GALNT17: variants seen among roughly 807,000 people sequenced by gnomAD.
GALNT17 encodes UDP-GalNAc:polypeptide N-acetylgalactosaminyltransferase-like 3.
Under a neutral mutation model 63.7 loss-of-function variants are expected in GALNT17, and 29 were observed. The ratio of observed to expected loss-of-function variants is 0.46; its 90% CI spans 0.34 to 0.62. GALNT17 has a LOEUF of 0.62. Among genes scored for constraint, GALNT17 ranks in the 20% least tolerant of loss-of-function variants. GALNT17 has a pLI of 0.01. For missense variants in GALNT17, 603 were observed against 799.6 expected, an observed-to-expected ratio of 0.75 and a Z score of 2.97; for synonymous variants, 305 against 318.3, an observed-to-expected ratio of 0.96 and a Z score of 0.45.
intron 5 of GALNT17, among the ~76,000 whole-genome samples, chr7:71,490,594 A>G (rs1787990479): frequency 6.6e-6 from 1 of 151,844 alleles, no homozygotes; most frequent in African/African-American, 2.4e-5. Context: ...GCCAGATGCC[A>G]TCTCTACAAA....
intron 5 of GALNT17, among the ~76,000 whole-genome samples, chr7:71,552,559 GC>G (rs1789098742): frequency 6.6e-6 from 1 of 151,176 alleles, no homozygotes; most frequent in South Asian, 2.1e-4. Context: ...TCCTGTCTCA[GC>G]CCCCCTCGTA....
chr7:71,342,693 G>A (rs1040833303), intron 2 of GALNT17, among the ~76,000 whole-genome samples: 13 of 152,152 alleles, frequency 8.5e-5, no homozygotes, highest in Non-Finnish European at 1.8e-4. Flanking sequence ...GAGGCAAAAT[G>A]TGTATGTGAG....
intron 6 of GALNT17, among the ~76,000 whole-genome samples, chr7:71,632,664 A>G (rs532189232): frequency 5.3e-4 from 80 of 152,312 alleles, no homozygotes; most frequent in Middle Eastern, 3.4e-3. Flanking sequence ...GCAAGTGAGA[A>G]GGGCTGGTGG....
rs772208560 is a variant in GALNT17, at chr7:71,302,740, T to C, written c.239-32810T>C. On this transcript the variant is annotated intron_variant, in intron 1 of 10. Transcript: ENST00000333538. ...CGTGCTCTTTAAAAAATGGACTAAATTGAGAGTCTGTTGAACTTCCCCCTT... is the reference window on the plus strand; with the variant it reads ...CGTGCTCTTTAAAAAATGGACTAAACTGAGAGTCTGTTGAACTTCCCCCTT... 2.8e-4 allele frequency among the ~76,000 whole-genome samples: 43 copies of C among 152,276 alleles called. 1 individual carries two copies. Among genetic ancestry groups the C allele is most frequent in the Non-Finnish European group, 4.6e-4 (31 of 68,016 alleles).
chr7:71,284,030 C>G (rs118120767), intron 1 of GALNT17: 1 of 152,278 alleles, frequency 6.6e-6, no homozygotes, highest in Non-Finnish European at 1.5e-5. Context: ...GGAATAAAAG[C>G]TGGCGGCAGG....
intron 9 of GALNT17, among the ~76,000 whole-genome samples, chr7:71,679,832 C>G (rs1186756633): frequency 6.6e-6 from 1 of 151,942 alleles, no homozygotes; most frequent in African/African-American, 2.4e-5. Context: ...GGTCAGATCT[C>G]CGGTGGGGTC....
intron 5 of GALNT17, among the ~76,000 whole-genome samples, chr7:71,451,118 C>T: frequency 6.6e-6 from 1 of 152,024 alleles, no homozygotes; most frequent in East Asian, 1.9e-4. Flanking sequence ...GTGTGATGTT[C>T]CCCTTCCTGT....
Position 71,259,688 on chromosome 7 carries a change from C to G in GALNT17, c.239-75862C>G, listed in dbSNP as rs187181246. 2.4e-3 allele frequency among the ~76,000 whole-genome samples: 350 copies of G among 144,870 alleles called. 4 individuals carry two copies. Among genetic ancestry groups the G allele is most frequent in the Admixed American group, 7.9e-3 (115 of 14,528 alleles). ...ACGGAGTCTTGCTCTGTCACTCAGG[C>G]TGGAGTGCAGTGGCGCAATCTCGGC... On this transcript the variant is annotated intron_variant, in intron 1 of 10. Coordinates refer to ENST00000333538, the MANE Select transcript of GALNT17 (RefSeq NM_022479.3).
intron 1 of GALNT17, among the ~76,000 whole-genome samples, chr7:71,193,903 C>T (rs184841674): frequency 3.9e-5 from 6 of 152,194 alleles, no homozygotes; most frequent in East Asian, 3.9e-4. Flanking sequence ...TACTCTCTTT[C>T]GGGGCGTATT....
chr7:71,641,088 C>T (rs1260080986), intron 6 of GALNT17, among the ~76,000 whole-genome samples: 1 of 152,176 alleles, frequency 6.6e-6, no homozygotes, highest in Admixed American at 6.5e-5. Flanking sequence ...AGCTGGGATG[C>T]AAGCAGCCCA....
chr7:71,593,812 C>T (rs1161318359), intron 6 of GALNT17, among the ~76,000 whole-genome samples: 1 of 152,178 alleles, frequency 6.6e-6, no homozygotes, highest in East Asian at 1.9e-4. Context: ...AGAAATACAG[C>T]TTTGTGCTTT....
intron 6 of GALNT17, among the ~76,000 whole-genome samples, chr7:71,633,899 C>T (rs1584103282): frequency 6.6e-6 from 1 of 152,180 alleles, no homozygotes; most frequent in East Asian, 1.9e-4. Flanking sequence ...AGGGAGCCAG[C>T]CCCGGGCAAG....
chr7:71,601,110 C>T lies in GALNT17; in HGVS notation c.1080+29708C>T, dbSNP rs1363307557. 8.6e-5 allele frequency among the ~76,000 whole-genome samples: 13 copies of T among 151,880 alleles called. No individual in the cohort carries two copies. In the East Asian group the frequency reaches 9.7e-4, roughly 11 times the overall value. ...GTTAATTTATTCCTTTTTATGGCTG[C>T]GTAGTATTCCATCATATATATATCA... is the stretch of plus-strand genomic sequence containing the variant. On this transcript the variant is annotated intron_variant, in intron 6 of 10. Transcript: ENST00000333538.
chr7:71,309,386 C>T (rs1049749695), intron 1 of GALNT17, among the ~76,000 whole-genome samples: 6 of 152,022 alleles, frequency 3.9e-5, no homozygotes, highest in Admixed American at 6.6e-5. Flanking sequence ...TTGAGGCACA[C>T]GCTTTCCCTT....
chr7:71,592,754 T>G (rs1789828855), intron 6 of GALNT17, among the ~76,000 whole-genome samples: 1 of 152,102 alleles, frequency 6.6e-6, no homozygotes, highest in South Asian at 2.1e-4. Context: ...TTGGAAACAT[T>G]TGTCCTTGAA....
At chr7:71,555,888 G>T (rs919947665) in intron 5 of GALNT17, among the ~76,000 whole-genome samples, 2 of 152,210 alleles carry the variant, frequency 1.3e-5, no homozygotes, top group Non-Finnish European at 2.9e-5. Context: ...CGGCTCGTGC[G>T]CTTGAAATCC....
chr7:71,561,612 C>T (rs1020363954), intron 5 of GALNT17, among the ~76,000 whole-genome samples: 2 of 152,100 alleles, frequency 1.3e-5, no homozygotes, highest in Admixed American at 6.6e-5. Flanking sequence ...TAGAGTCAGC[C>T]CCTGATCCCT....
intron 5 of GALNT17, among the ~76,000 whole-genome samples, chr7:71,559,897 C>CA (rs749844466): frequency 0.013 from 1,279 of 97,598 alleles, 7 homozygotes; most frequent in Non-Finnish European, 0.018. Flanking sequence ...ACATTAAAAA[C>CA]AAAAAAAAAA....
chr7:71,422,300 C>G (rs894694265), intron 5 of GALNT17, among the ~76,000 whole-genome samples: 3 of 152,160 alleles, frequency 2.0e-5, no homozygotes, highest in Non-Finnish European at 4.4e-5. Flanking sequence ...ACCTTTTCCT[C>G]CTTTGCTTCC....
Sources: gnomAD v4.1 joint callset for allele counts (sites outside exome capture counted in the v4.1 genomes callset) on GRCh38, gnomAD v4.1.1 for gene constraint, MANE v1.5 for transcripts, NCBI Gene and HGNC (gene_info 2026-07-23, HGNC 2026-07-21) for gene names.